CACNB2: variants seen among roughly 807,000 people sequenced by gnomAD.
CACNB2 encodes the protein voltage-dependent L-type calcium channel subunit beta-2.
Under a neutral mutation model 73.3 loss-of-function variants are expected in CACNB2, and 42 were observed. The ratio of observed to expected loss-of-function variants is 0.57; its 90% CI spans 0.45 to 0.74. CACNB2 has a LOEUF of 0.74. CACNB2 is among the 30% of genes least tolerant of loss of function. The pLI is 0.00. For missense variants in CACNB2, 940 were observed against 853.0 expected (o/e 1.10, Z -1.27); for synonymous variants, 348 against 310.3 (o/e 1.12, Z -1.28).
chr10:18,371,445 A>G (rs978666533), intron 2 of CACNB2, among the ~76,000 whole-genome samples: 8 of 151,912 alleles, frequency 5.3e-5, no homozygotes, highest in African/African-American at 1.7e-4. Flanking sequence ...CCTATGAGTG[A>G]GAACATGTGG....
chr10:18,188,003 T>A (rs1424348086), intron 2 of CACNB2, among the ~76,000 whole-genome samples: 1 of 152,184 alleles, frequency 6.6e-6, no homozygotes, highest in African/African-American at 2.4e-5. Flanking sequence ...TGAAATATTG[T>A]TTGGATTAAG....
chr10:18,176,312 G>T (rs2033587767), intron 2 of CACNB2, among the ~76,000 whole-genome samples: 1 of 152,124 alleles, frequency 6.6e-6, no homozygotes, highest in African/African-American at 2.4e-5. Flanking sequence ...CTGATTCCAG[G>T]AAGTTTACTG....
intron 2 of CACNB2, among the ~76,000 whole-genome samples, chr10:18,184,976 A>T (rs1337931062): frequency 6.6e-6 from 1 of 152,060 alleles, no homozygotes. Flanking sequence ...AGTAGCTGGG[A>T]CTACAGGCAT....
At chr10:18,442,886 T>C (rs1255389250) in intron 3 of CACNB2, among the ~76,000 whole-genome samples, 2 of 141,990 alleles carry the variant, frequency 1.4e-5, no homozygotes, top group African/African-American at 5.1e-5. Context: ...TGTATCCATG[T>C]TGTTGGGTCT....
intron 2 of CACNB2, among the ~76,000 whole-genome samples, chr10:18,297,651 A>G (rs963834587): frequency 7.2e-5 from 11 of 152,196 alleles, no homozygotes; most frequent in African/African-American, 2.4e-4. Flanking sequence ...GGGATTCAGA[A>G]CCAACCTGAG....
intron 2 of CACNB2, among the ~76,000 whole-genome samples, chr10:18,180,829 G>T (rs1046412379): frequency 6.6e-6 from 1 of 151,948 alleles, no homozygotes; most frequent in Admixed American, 6.6e-5. Context: ...AGCTGTGCAT[G>T]GTGGCACATG....
At chr10:18,412,047 G>A (rs1451555563) in intron 3 of CACNB2, among the ~76,000 whole-genome samples, 2 of 152,184 alleles carry the variant, frequency 1.3e-5, no homozygotes, top group Non-Finnish European at 2.9e-5. Flanking sequence ...ACATGTGTCT[G>A]GAGGCTGATA....
rs953205610 is a variant in CACNB2 at position 18,264,385 on chromosome 10, A to G, written c.213+113410A>G. On this transcript the variant is annotated intron_variant, in intron 2 of 13. Transcript: ENST00000324631. ...TATTATCGAAGTATAACATACATGCAGAAAAGTGGGTGCAGAAATTATATA... is the reference window on the plus strand; with the variant it reads ...TATTATCGAAGTATAACATACATGCGGAAAAGTGGGTGCAGAAATTATATA... Among the ~76,000 whole-genome samples, 3 of 152,240 alleles carry G rather than the reference A, an allele frequency of 2.0e-5. No homozygotes were observed. The East Asian group carries it at 5.8e-4, about 29-fold the overall frequency.
chr10:18,489,908 C>G (rs946616966), intron 3 of CACNB2, among the ~76,000 whole-genome samples: 1 of 151,966 alleles, frequency 6.6e-6, no homozygotes, highest in Non-Finnish European at 1.5e-5. Context: ...GACAGGGTCT[C>G]TCTCTGTTGC....
intron 3 of CACNB2, among the ~76,000 whole-genome samples, chr10:18,419,746 G>A (rs2045215035): frequency 6.6e-6 from 1 of 152,172 alleles, no homozygotes; most frequent in Admixed American, 6.5e-5. Flanking sequence ...GAAAGAAAGG[G>A]GAGGAATGTC....
chr10:18,169,196 T>TC (rs1393645237), intron 2 of CACNB2, among the ~76,000 whole-genome samples: 3 of 144,082 alleles, frequency 2.1e-5, no homozygotes, highest in East Asian at 4.1e-4. Flanking sequence ...CATATATATT[T>TC]TTAAAAAAAA....
At chr10:18,447,353 G>T (rs1020761329) in intron 3 of CACNB2, among the ~76,000 whole-genome samples, 14 of 152,194 alleles carry the variant, frequency 9.2e-5, no homozygotes, top group African/African-American at 2.9e-4. Flanking sequence ...TGGATAGCAA[G>T]ATTAATCTGG....
At chr10:18,358,615 C>G (rs1019831094) in intron 2 of CACNB2, among the ~76,000 whole-genome samples, 1 of 145,418 alleles carries the variant, frequency 6.9e-6, no homozygotes, top group Non-Finnish European at 1.5e-5. Flanking sequence ...TTTTCCTATA[C>G]AGGTACAAGG....
chr10:18,358,525 TCTCTCTCTCTCTCTCTCTCTCTCTCTC>T (rs1564465981), intron 2 of CACNB2, among the ~76,000 whole-genome samples: 11 of 38,798 alleles, frequency 2.8e-4, no homozygotes, highest in Non-Finnish European at 6.2e-4. Context: ...TCTCTCTCTC[TCTCTCTCTCTCTCTCTCTCTCTCTCTC>T]GCTCTCTCTC....
At chr10:18,510,690 T>C (rs1305850404) in intron 6 of CACNB2, among the ~76,000 whole-genome samples, 1 of 152,204 alleles carries the variant, frequency 6.6e-6, no homozygotes, top group Non-Finnish European at 1.5e-5. Context: ...ACTCATGAAC[T>C]TGACTGTCCA....
chr10:18,175,650 A>C (rs7100500), intron 2 of CACNB2, among the ~76,000 whole-genome samples: 75,002 of 152,002 alleles, frequency 0.49, 19,011 homozygotes, highest in African/African-American at 0.63. Flanking sequence ...CAGGCTGGAG[A>C]GCAATGGTGC....
At chr10:18,311,429 C>T (rs1197348855) in intron 2 of CACNB2, among the ~76,000 whole-genome samples, 1 of 152,086 alleles carries the variant, frequency 6.6e-6, no homozygotes, top group African/African-American at 2.4e-5. Context: ...TGACCCATTG[C>T]ACAGTTGGAA....
chr10:18,466,555 A>T (rs2047898878), intron 3 of CACNB2, among the ~76,000 whole-genome samples: 1 of 152,214 alleles, frequency 6.6e-6, no homozygotes, highest in Non-Finnish European at 1.5e-5. Flanking sequence ...TTTTTGAATT[A>T]TATGAAAGTC....
chr10:18,182,678 C>T (rs995616908), intron 2 of CACNB2, among the ~76,000 whole-genome samples: 34 of 151,732 alleles, frequency 2.2e-4, no homozygotes, highest in Non-Finnish European at 2.8e-4. Flanking sequence ...AAAGATTAGC[C>T]AGGCGTGGTG....
Sources: gnomAD v4.1 joint callset for allele counts (sites outside exome capture counted in the v4.1 genomes callset) on GRCh38, gnomAD v4.1.1 for gene constraint, MANE v1.5 for transcripts, NCBI Gene and HGNC (gene_info 2026-07-23, HGNC 2026-07-21) for gene names.